KLF8: variants seen among roughly 807,000 people sequenced by gnomAD.
KLF8 encodes Krueppel-like factor 8.
KLF8 carries 10 observed loss-of-function variants against 18.2 expected under a neutral mutation model. The ratio of observed to expected loss-of-function variants is 0.55; its 90% confidence interval spans 0.34 to 0.93. The LOEUF (loss-of-function observed/expected upper bound fraction) is 0.93, where lower values mean the gene tolerates loss of function less well. Among genes scored for constraint, KLF8 ranks in the 40% least tolerant of loss-of-function variants. KLF8 has a pLI of 0.02. For missense variants in KLF8, 264 were observed against 277.9 expected, an observed-to-expected ratio of 0.95 and a Z score of 0.36; for synonymous variants, 109 against 97.3, an observed-to-expected ratio of 1.12 and a Z score of -0.71.
chrX:56,034,945 C>T, the KLF8 span, among the ~76,000 whole-genome samples: 10 of 107,303 alleles, frequency 9.3e-5, no homozygotes, highest in African/African-American at 2.4e-4. Context: ...TTAGTAGAGA[C>T]GGGGTTTCAC....
chrX:56,037,699 G>A, the KLF8 span, among the ~76,000 whole-genome samples: 1 of 108,994 alleles, frequency 9.2e-6, no homozygotes, highest in African/African-American at 3.3e-5. Flanking sequence ...TTACATAGTA[G>A]GTGTATATAT....
In KLF8 at chrX:56,284,586, G is replaced by T. The variant is rs972495580; in HGVS notation, c.*92G>T. The T allele has an allele frequency of 5.1e-6, 4 of 782,550 alleles. No individual in the cohort carries two copies. The highest frequency in any genetic ancestry group is 7.0e-6 in the Non-Finnish European group (4 of 571,329). The allele number at this position is 782,550 out of a possible 1,213,427, so 64.5% of individuals were successfully genotyped here. A position where few individuals can be genotyped will look rare whatever the true frequency, so the allele number is the denominator to read the frequency against. On this transcript the variant is annotated 3_prime_UTR_variant, in exon 6 of 6. Transcript: ENST00000468660. ...ATTTTTTCCTCTTTGACTTCAGCTT[G>T]CATATGGGGTTGAAGCAGCCCACTG...
At chrX:55,908,649 G>A in the KLF8 span, 1 of 287,771 alleles carries the variant, frequency 3.5e-6, no homozygotes, top group Non-Finnish European at 6.1e-6. Flanking sequence ...GGCCCTAGTC[G>A]GTGCCCATTC....
At chrX:56,172,841 T>C in the KLF8 span, among the ~76,000 whole-genome samples, 3 of 112,317 alleles carry the variant, frequency 2.7e-5, no homozygotes, top group South Asian at 3.7e-4. Flanking sequence ...TTGATTTGCA[T>C]TTCTCTGATA....
At chrX:56,153,310 G>A in the KLF8 span, among the ~76,000 whole-genome samples, 1 of 109,381 alleles carries the variant, frequency 9.1e-6, no homozygotes, top group Admixed American at 9.9e-5. Context: ...AGCTATGATT[G>A]CACCACTGCG....
the KLF8 span, among the ~76,000 whole-genome samples, chrX:56,153,266 C>T: frequency 1.1e-4 from 12 of 109,822 alleles, no homozygotes; most frequent in Non-Finnish European, 2.3e-4. Context: ...GAGGCTAAGT[C>T]GGAATAATCA....
chrX:56,083,712 T>C, the KLF8 span, among the ~76,000 whole-genome samples: 2 of 111,573 alleles, frequency 1.8e-5, no homozygotes, highest in African/African-American at 6.5e-5. Context: ...GGCAGATAAG[T>C]GAGTATTACT....
chrX:56,067,643 C>T, the KLF8 span, among the ~76,000 whole-genome samples: 4 of 111,972 alleles, frequency 3.6e-5, no homozygotes, highest in South Asian at 3.8e-4. Context: ...GAGAACCTCT[C>T]TAATATGAGA....
At chrX:56,029,353 G>A in the KLF8 span, among the ~76,000 whole-genome samples, 1 of 111,627 alleles carries the variant, frequency 9.0e-6, no homozygotes, top group Non-Finnish European at 1.9e-5. Context: ...GCCTAACAAA[G>A]GCAAGGGGCA....
At chrX:56,007,954 GA>G in the KLF8 span, among the ~76,000 whole-genome samples, 37 of 109,647 alleles carry the variant, frequency 3.4e-4, no homozygotes, top group African/African-American at 9.0e-4. Context: ...AAAAGTTGAA[GA>G]AAAAAAATGT....
Position 56,265,270 on chromosome X carries a change from G to A in KLF8, c.172G>A (p.Glu58Lys). 1 of 1,208,704 alleles carries A rather than the reference G, an allele frequency of 8.3e-7. No homozygotes were observed. The highest frequency in any genetic ancestry group is 1.7e-5 in the African/African-American group (1 of 57,621). Residue 58 changes from glutamate (E) to lysine (K), a missense_variant, in exon 3 of 6, where the codon GAG becomes AAG. Glu to Lys is a moderately conservative substitution (Grantham distance 56). Coordinates refer to ENST00000468660, the MANE Select transcript of KLF8 (RefSeq NM_007250.5). ...SPTLLDANPM[E>K]NPALFNDIKI... ...AACACTCCTGGATGCCAACCCCATG[G>A]AGAACCCAGCACTGTTTAATGACAT...
intron 5 of KLF8, 100 bp downstream of exon 5, chrX:56,270,421 AGG>A: frequency 5.7e-6 from 5 of 871,168 alleles, no homozygotes; most frequent in African/African-American, 2.0e-5. Context: ...AGAGAGAGAG[AGG>A]GGCAGAGAGA....
chrX:56,153,611 A>G, the KLF8 span, among the ~76,000 whole-genome samples: 1 of 111,477 alleles, frequency 9.0e-6, no homozygotes, highest in African/African-American at 3.3e-5. Context: ...AATAAAGGGT[A>G]TTCAATTAGG....
chrX:56,125,356 G>A, the KLF8 span, among the ~76,000 whole-genome samples: 1 of 111,763 alleles, frequency 8.9e-6, no homozygotes, highest in Non-Finnish European at 1.9e-5. Context: ...GTCCTGGGGA[G>A]TGTAATGTGT....
the KLF8 span, among the ~76,000 whole-genome samples, chrX:56,054,991 T>A: frequency 2.7e-5 from 3 of 112,060 alleles, no homozygotes; most frequent in African/African-American, 9.7e-5. Context: ...GATGGATTTC[T>A]TGAAGACAGC....
At chrX:56,208,019 A>G in the KLF8 span, among the ~76,000 whole-genome samples, 1 of 111,034 alleles carries the variant, frequency 9.0e-6, no homozygotes, top group Non-Finnish European at 1.9e-5. Context: ...TGGAACTCCC[A>G]TTTATAAAAC....
At chrX:56,087,775 A>C in the KLF8 span, among the ~76,000 whole-genome samples, 9 of 112,131 alleles carry the variant, frequency 8.0e-5, no homozygotes, top group East Asian at 1.7e-3. Flanking sequence ...AATGAAAAAT[A>C]GCATTATTTA....
chrX:56,270,373 CACACACACGAGA>C (rs1569188839), intron 5 of KLF8, 52 bp downstream of exon 5: 5 of 1,042,689 alleles, frequency 4.8e-6, no homozygotes, highest in African/African-American at 2.4e-5. Context: ...CACACACACA[CACACACACGAGA>C]GAGAGAGAGA....
At chrX:56,161,245 C>A in the KLF8 span, among the ~76,000 whole-genome samples, 1 of 111,931 alleles carries the variant, frequency 8.9e-6, no homozygotes, top group Admixed American at 9.5e-5. Context: ...TGCAGCATTT[C>A]TGCCGAGAGA....
Sources: gnomAD v4.1 joint callset for allele counts (sites outside exome capture counted in the v4.1 genomes callset) on GRCh38, gnomAD v4.1.1 for gene constraint, MANE v1.5 for transcripts, NCBI Gene and HGNC (gene_info 2026-07-23, HGNC 2026-07-21) for gene names.